SLIT3: variants seen among roughly 807,000 people sequenced by gnomAD.
SLIT3 encodes slit homolog 3 protein.
SLIT3 carries 68 observed loss-of-function variants against 184.0 expected under a neutral mutation model. That is an observed-to-expected ratio of 0.37 (90% CI 0.30 to 0.45). SLIT3 has a LOEUF of 0.45. SLIT3 is among the 20% of genes least tolerant of loss of function. SLIT3 has a pLI of 1.00. For missense variants in SLIT3, 1,707 were observed against 2,026.0 expected (o/e 0.84, Z 3.02); for synonymous variants, 831 against 828.6 (o/e 1.00, Z -0.05).
intron 29 of SLIT3, among the ~76,000 whole-genome samples, chr5:168,688,384 C>T (rs566096808): frequency 8.5e-5 from 13 of 152,252 alleles, no homozygotes; most frequent in East Asian, 5.8e-4. Flanking sequence ...AGCAGCCCCA[C>T]GGAAGAATCA....
chr5:168,703,976 T>C lies in SLIT3; in HGVS notation c.2845-3297A>G, dbSNP rs1228982230. Among the ~76,000 whole-genome samples, 31 of 134,294 alleles carry C rather than the reference T, an allele frequency of 2.3e-4. 1 individual carries two copies. The highest frequency in any genetic ancestry group is 2.4e-4 in the Non-Finnish European group (15 of 63,652). 88.1% of individuals were successfully genotyped at this position (134,294 alleles called of 152,430 possible). A position where few individuals can be genotyped will look rare whatever the true frequency, so the allele number is the denominator to read the frequency against. ...AAAAAAAAAAAAAAAAAAAAGACAC[T>C]GGGAACAGCTGCCCTCATTGGAAAC... On this transcript the variant is annotated intron_variant, in intron 26 of 35. Transcript: ENST00000519560.
intron 4 of SLIT3, among the ~76,000 whole-genome samples, chr5:168,887,246 G>C (rs1760255554): frequency 6.6e-6 from 1 of 152,000 alleles, no homozygotes; most frequent in South Asian, 2.1e-4. Flanking sequence ...TGCCCTGCTG[G>C]GGACAATGCA....
At chr5:168,927,564 G>C (rs1761869846) in intron 4 of SLIT3, among the ~76,000 whole-genome samples, 1 of 152,162 alleles carries the variant, frequency 6.6e-6, no homozygotes, top group Non-Finnish European at 1.5e-5. Context: ...AAGGTACCTG[G>C]TGTGGCATTC....
intron 4 of SLIT3, among the ~76,000 whole-genome samples, chr5:168,928,191 G>A (rs891064967): frequency 2.0e-5 from 3 of 152,038 alleles, no homozygotes; most frequent in Non-Finnish European, 2.9e-5. Context: ...CAGGATTTGC[G>A]TCGTATTTAC....
chr5:168,774,496 G>C, intron 12 of SLIT3, 118 bp from the exon 13 acceptor site: 1 of 1,078,480 alleles, frequency 9.3e-7, no homozygotes, highest in Non-Finnish European at 1.3e-6. Context: ...GCAGCCTTGA[G>C]CTCCTGCTGC....
In SLIT3 at chr5:168,747,725, A is replaced by G. The variant is rs1392173808; in HGVS notation, c.2270+577T>C. 2.0e-5 allele frequency among the ~76,000 whole-genome samples: 3 copies of G among 152,080 alleles called. 1 individual carries two copies. Among genetic ancestry groups the G allele is most frequent in the Admixed American group, 2.0e-4 (3 of 15,266 alleles). ...TCTGGTGCAGAAACAGGACCTGAGGAGTCAGTGGCAGGAGCTCGGGTTGTG... is the reference window on the plus strand; with the variant it reads ...TCTGGTGCAGAAACAGGACCTGAGGGGTCAGTGGCAGGAGCTCGGGTTGTG... On this transcript the variant is annotated intron_variant, in intron 20 of 35. Transcript: ENST00000519560.
At chr5:169,122,775 C>A (rs1231742430) in intron 4 of SLIT3, among the ~76,000 whole-genome samples, 2 of 152,176 alleles carry the variant, frequency 1.3e-5, no homozygotes, top group African/African-American at 4.8e-5. Context: ...GACCTTTCAA[C>A]ATCAAATATT....
At chr5:169,047,453 G>T (rs1205180970) in intron 4 of SLIT3, among the ~76,000 whole-genome samples, 1 of 151,982 alleles carries the variant, frequency 6.6e-6, no homozygotes, top group Non-Finnish European at 1.5e-5. Flanking sequence ...TGGGGTCTCT[G>T]CCTTCAGTAG....
chr5:169,121,889 T>C (rs1465364279), intron 4 of SLIT3, among the ~76,000 whole-genome samples: 1 of 152,208 alleles, frequency 6.6e-6, no homozygotes, highest in East Asian at 1.9e-4. Flanking sequence ...TCCAGTTTAG[T>C]GCTCCTTTCT....
At chr5:169,250,262 A>G (rs551897763) in intron 2 of SLIT3, among the ~76,000 whole-genome samples, 13 of 152,322 alleles carry the variant, frequency 8.5e-5, no homozygotes, top group Middle Eastern at 3.4e-3. Context: ...TATCATATCC[A>G]TCATCATTAT....
In SLIT3 at chr5:168,775,034, C is replaced by T. The variant is rs557453145; in HGVS notation, c.1152-656G>A. ...AACTCACTACCCTTGAGTCCCACCA[C>T]TGCATTTTTTTTTTTTTTTTGAGAT... On this transcript the variant is annotated intron_variant, in intron 12 of 35. Coordinates refer to ENST00000519560, the MANE Select transcript of SLIT3 (RefSeq NM_003062.4). Among the ~76,000 whole-genome samples the T allele has an allele frequency of 2.3e-3, 323 of 140,232 alleles. 3 individuals are homozygous for T. The highest frequency in any genetic ancestry group is 2.7e-3 in the Non-Finnish European group (173 of 64,818). The allele number at this position is 140,232 out of a possible 152,430, so 92.0% of individuals were successfully genotyped here. A position where few individuals can be genotyped will look rare whatever the true frequency, so the allele number is the denominator to read the frequency against.
intron 5 of SLIT3, among the ~76,000 whole-genome samples, chr5:168,847,474 T>C (rs1174618812): frequency 1.3e-5 from 2 of 152,198 alleles, no homozygotes; most frequent in Non-Finnish European, 2.9e-5. Flanking sequence ...CCACAGCGGT[T>C]ACTCCACTTC....
chr5:169,222,371 A>G (rs754459826), intron 3 of SLIT3, among the ~76,000 whole-genome samples: 2 of 152,234 alleles, frequency 1.3e-5, no homozygotes, highest in African/African-American at 4.8e-5. Context: ...GAAGGAAAAT[A>G]ATGACTCAGA....
At chr5:168,787,503 A>G (rs1756199063) in intron 11 of SLIT3, among the ~76,000 whole-genome samples, 1 of 152,142 alleles carries the variant, frequency 6.6e-6, no homozygotes, top group Admixed American at 6.5e-5. Context: ...CTGAGCTCAA[A>G]CATCTCTTCC....
intron 34 of SLIT3, 35 bp downstream of exon 34, chr5:168,671,163 C>T (rs778490581): frequency 3.1e-6 from 5 of 1,587,308 alleles, no homozygotes; most frequent in East Asian, 2.3e-5. Context: ...ATTCTGGGAG[C>T]TCGAGCACAC....
chr5:168,976,820 T>C (rs1754779636), intron 4 of SLIT3, among the ~76,000 whole-genome samples: 1 of 152,262 alleles, frequency 6.6e-6, no homozygotes, highest in Non-Finnish European at 1.5e-5. Flanking sequence ...CAATGTATTA[T>C]TAACTTTATT....
At chr5:169,068,653 A>G (rs542120860) in intron 4 of SLIT3, among the ~76,000 whole-genome samples, 1 of 152,160 alleles carries the variant, frequency 6.6e-6, no homozygotes, top group Non-Finnish European at 1.5e-5. Flanking sequence ...TGAAAAGGAC[A>G]ATGTTCCCAA....
At chr5:169,022,137 A>G (rs1308708299) in intron 4 of SLIT3, 1 of 152,254 alleles carries the variant, frequency 6.6e-6, no homozygotes, top group Non-Finnish European at 1.5e-5. Flanking sequence ...CTGCAGGAGC[A>G]TTCAAGGAGG....
At chr5:168,847,543 T>C (rs1305641862) in intron 5 of SLIT3, among the ~76,000 whole-genome samples, 1 of 152,250 alleles carries the variant, frequency 6.6e-6, no homozygotes, top group Non-Finnish European at 1.5e-5. Flanking sequence ...GCCCAATTAA[T>C]TGTCCATGAG....
Sources: gnomAD v4.1 joint callset for allele counts (sites outside exome capture counted in the v4.1 genomes callset) on GRCh38, gnomAD v4.1.1 for gene constraint, MANE v1.5 for transcripts, NCBI Gene and HGNC (gene_info 2026-07-23, HGNC 2026-07-21) for gene names.